FAM13B: variants seen among roughly 807,000 people sequenced by gnomAD.
The protein encoded by FAM13B is protein FAM13B.
A neutral mutation model predicts 117.3 loss-of-function variants in FAM13B; 60 were observed. The ratio of observed to expected loss-of-function variants is 0.51; its 90% CI spans 0.42 to 0.63. FAM13B has a LOEUF of 0.63. Ranked by LOEUF, FAM13B falls within the 30% of genes least tolerant of loss-of-function variation. FAM13B has a pLI of 0.00. For synonymous variants in FAM13B, 332 were observed against 356.1 expected, an observed-to-expected ratio of 0.93 and a Z score of 0.76; for missense variants, 972 against 1,091.9, an observed-to-expected ratio of 0.89 and a Z score of 1.55.
Position 138,003,222 on chromosome 5 carries a change from T to A in FAM13B, c.848+3768A>T, listed in dbSNP as rs1485321806. Among the ~76,000 whole-genome samples, 3 of 152,224 alleles carry A rather than the reference T, an allele frequency of 2.0e-5. No homozygotes were observed. In the East Asian group the frequency reaches 5.8e-4, roughly 29 times the overall value. On this transcript the variant is annotated intron_variant, in intron 7 of 23. Coordinates refer to ENST00000689681, the MANE Select transcript of FAM13B (RefSeq NM_001385994.1). ...TAATATGAGCATCTTTAATAACAAA[T>A]AGAATATAAATTGACCACAGTCTAG...
chr5:137,989,038 A>G (rs752453323), intron 7 of FAM13B, among the ~76,000 whole-genome samples: 16 of 152,242 alleles, frequency 1.1e-4, no homozygotes, highest in Non-Finnish European at 1.9e-4. Context: ...AAAATCATTT[A>G]TCAGATAAAA....
chr5:137,986,431 C>CCCT (rs1777246231), intron 9 of FAM13B, among the ~76,000 whole-genome samples: 1 of 54,300 alleles, frequency 1.8e-5, no homozygotes, highest in African/African-American at 4.6e-5. Context: ...CATCTTCCCC[C>CCCT]CCCCAAAAAA....
chr5:137,941,705 T>TA (rs1335372184), intron 23 of FAM13B, among the ~76,000 whole-genome samples: 1 of 152,152 alleles, frequency 6.6e-6, no homozygotes, highest in Non-Finnish European at 1.5e-5. Flanking sequence ...ATCACTGCAA[T>TA]ACAACCAAGG....
chr5:138,047,107 A>G (rs1489379317), intron 1 of FAM13B, among the ~76,000 whole-genome samples: 2 of 152,160 alleles, frequency 1.3e-5, no homozygotes, highest in Non-Finnish European at 2.9e-5. Context: ...CTATCTGTAG[A>G]GAAGAAACAA....
Position 137,939,922 on chromosome 5 carries a change from A to G in FAM13B, c.*303T>C. On this transcript the variant is annotated 3_prime_UTR_variant, in exon 24 of 24. Transcript: ENST00000689681. Reference sequence around the variant, plus strand: ...GCATTTCCAAAGTTCTTGAAGTTGAAAGGATAAAATTCCAGTCTTTTGCTA... The same window carrying G: ...GCATTTCCAAAGTTCTTGAAGTTGAGAGGATAAAATTCCAGTCTTTTGCTA... 2 of 1,330,524 alleles carry G rather than the reference A, an allele frequency of 1.5e-6. No homozygotes were observed. The highest frequency in any genetic ancestry group is 1.9e-6 in the Non-Finnish European group (2 of 1,038,588). 82.4% of individuals were successfully genotyped at this position (1,330,524 alleles called of 1,614,324 possible).
chr5:137,949,195 G>C lies in FAM13B; in HGVS notation c.1931-11C>G. On this transcript the variant is annotated splice_polypyrimidine_tract_variant and intron_variant, in intron 17 of 23. Coordinates refer to ENST00000689681, the MANE Select transcript of FAM13B (RefSeq NM_001385994.1). ...TTTTGTGTTTTGCATCTACATGTCA[G>C]AAATAAGGACAGATCAGTAATAATT... 6.2e-7 allele frequency: 1 copy of C among 1,602,482 alleles called. No homozygotes were observed. Among genetic ancestry groups the C allele is most frequent in the Non-Finnish European group, 8.5e-7 (1 of 1,169,710 alleles).
intron 7 of FAM13B, 30 bp from the exon 8 acceptor site, chr5:137,988,345 A>G (rs780692552): frequency 6.5e-7 from 1 of 1,546,242 alleles, no homozygotes; most frequent in Admixed American, 2.2e-5. Flanking sequence ...TTAGCTATAA[A>G]AATGTTCAAT....
At chr5:138,040,429 C>T (rs760805005) in intron 1 of FAM13B, among the ~76,000 whole-genome samples, 55 of 149,754 alleles carry the variant, frequency 3.7e-4, no homozygotes, top group African/African-American at 1.4e-3. Context: ...AAAATTAGCT[C>T]GGCATGGTGG....
intron 16 of FAM13B, among the ~76,000 whole-genome samples, chr5:137,953,020 C>G (rs908206889): frequency 2.6e-5 from 4 of 152,204 alleles, no homozygotes; most frequent in Non-Finnish European, 5.9e-5. Context: ...CTCCTCCCCA[C>G]TTGGTACTTG....
At chr5:137,984,827 G>A (rs1776755277) in intron 10 of FAM13B, among the ~76,000 whole-genome samples, 1 of 151,186 alleles carries the variant, frequency 6.6e-6, no homozygotes, top group African/African-American at 2.4e-5. Context: ...GGAGTGCAAT[G>A]GCGCAATCTT....
At chr5:137,967,655 G>C (rs2150358531) in intron 10 of FAM13B, among the ~76,000 whole-genome samples, 1 of 152,278 alleles carries the variant, frequency 6.6e-6, no homozygotes, top group African/African-American at 2.4e-5. Flanking sequence ...TATTTTCAGA[G>C]GCTGAGGTGG....
At chr5:137,976,083 A>G (rs1773893597) in intron 10 of FAM13B, among the ~76,000 whole-genome samples, 1 of 148,462 alleles carries the variant, frequency 6.7e-6, no homozygotes, top group Non-Finnish European at 1.5e-5. Context: ...CAGCCTCCCA[A>G]GTAGCTGGGA....
chr5:137,959,072 T>C (rs1416973419), intron 13 of FAM13B, among the ~76,000 whole-genome samples: 1 of 152,232 alleles, frequency 6.6e-6, no homozygotes, highest in Non-Finnish European at 1.5e-5. Context: ...CCATGTTGTT[T>C]GCTTGTTAAA....
chr5:137,956,433 A>C (rs1048915633), intron 14 of FAM13B, 44 bp downstream of exon 14: 5 of 1,283,242 alleles, frequency 3.9e-6, no homozygotes. Flanking sequence ...AACAAAGTGA[A>C]CCATAAAAGG....
chr5:138,030,783 C>T (rs1789728484), intron 1 of FAM13B, among the ~76,000 whole-genome samples: 1 of 147,688 alleles, frequency 6.8e-6, no homozygotes, highest in South Asian at 2.2e-4. Flanking sequence ...CCTGTAATCC[C>T]AGCACTTTGG....
intron 20 of FAM13B, 69 bp from the exon 21 acceptor site, chr5:137,943,285 C>T: frequency 2.5e-6 from 3 of 1,197,386 alleles, no homozygotes; most frequent in Non-Finnish European, 3.6e-6. Context: ...AGCTTCCCTT[C>T]ATTATGTTAC....
chr5:137,968,190 C>A (rs975941966), intron 10 of FAM13B, among the ~76,000 whole-genome samples: 2 of 144,512 alleles, frequency 1.4e-5, no homozygotes, highest in South Asian at 2.2e-4. Flanking sequence ...CCATTGCACT[C>A]CAATCTGGGC....
intron 10 of FAM13B, among the ~76,000 whole-genome samples, chr5:137,970,210 G>A (rs1771644657): frequency 1.3e-5 from 2 of 151,824 alleles, no homozygotes; most frequent in Non-Finnish European, 2.9e-5. Flanking sequence ...CAGCCAGAGA[G>A]AAAGGTCGGG....
rs183390635 is a variant in FAM13B, at chr5:137,977,589, A to T, written c.1179+7668T>A. Reference sequence around the variant, plus strand: ...CAATGCTTAGGGAAAATAGAAAAGAACCTACATGACTATCGGGAGCAGGTT... The same window carrying T: ...CAATGCTTAGGGAAAATAGAAAAGATCCTACATGACTATCGGGAGCAGGTT... On this transcript the variant is annotated intron_variant, in intron 10 of 23. Coordinates refer to ENST00000689681, the MANE Select transcript of FAM13B (RefSeq NM_001385994.1). 1.1e-3 allele frequency among the ~76,000 whole-genome samples: 165 copies of T among 152,302 alleles called. 2 individuals carry two copies. The highest frequency in any genetic ancestry group is 3.4e-3 in the Middle Eastern group (1 of 294).
Sources: allele counts gnomAD v4.1 joint callset (sites outside exome capture counted in the v4.1 genomes callset), GRCh38; gene constraint gnomAD v4.1.1; transcripts MANE v1.5; gene names NCBI Gene and HGNC (gene_info 2026-07-23, HGNC 2026-07-21).